NREP: variants seen among roughly 807,000 people sequenced by gnomAD.
NREP encodes the protein neuronal regeneration-related protein.
Under a neutral mutation model 8.6 loss-of-function variants are expected in NREP, and 5 were observed. The observed-to-expected ratio is 0.58, with a 90% CI of 0.30 to 1.22. The LOEUF is 1.22. Among genes scored for constraint, NREP ranks in the 50% most tolerant of loss-of-function variants. NREP has a pLI of 0.07. For synonymous variants in NREP, 27 were observed against 28.0 expected, an observed-to-expected ratio of 0.96 and a Z score of 0.11; for missense variants, 86 against 82.5, an observed-to-expected ratio of 1.04 and a Z score of -0.17.
intron 2 of NREP, among the ~76,000 whole-genome samples, chr5:111,815,765 C>T (rs573990607): frequency 1.7e-4 from 26 of 152,120 alleles, no homozygotes; most frequent in Admixed American, 6.5e-4. Context: ...ATCCAAAAAA[C>T]GCCATGTAAG....
chr5:111,896,630 A>C (rs1314744035), intron 2 of NREP, among the ~76,000 whole-genome samples: 1 of 152,232 alleles, frequency 6.6e-6, no homozygotes, highest in African/African-American at 2.4e-5. Context: ...GGATTAACTT[A>C]CATATTTCAT....
intron 2 of NREP, among the ~76,000 whole-genome samples, chr5:111,787,256 CCA>C (rs147910750): frequency 1.4e-3 from 219 of 152,196 alleles, no homozygotes; most frequent in Non-Finnish European, 2.4e-3. Flanking sequence ...CATTCTGAAG[CCA>C]CACACACTTC....
In NREP at chr5:111,818,655, A is replaced by C. The variant is rs1170791049; in HGVS notation, c.136-83148T>G. On this transcript the variant is annotated intron_variant, in intron 2 of 3. Transcript: ENST00000395634. Reference sequence around the variant, plus strand: ...TGATTTCTCTGAAGTATTTGAAACAACACCAACTGAAGAACTGTGGCCTTC... The same window carrying C: ...TGATTTCTCTGAAGTATTTGAAACACCACCAACTGAAGAACTGTGGCCTTC... 3.3e-5 allele frequency among the ~76,000 whole-genome samples: 5 copies of C among 152,364 alleles called. No individual in the cohort carries two copies. The East Asian group carries it at 7.7e-4, about 23-fold the overall frequency.
At chr5:111,916,112 C>T (rs560928982) in intron 2 of NREP, among the ~76,000 whole-genome samples, 3 of 152,080 alleles carry the variant, frequency 2.0e-5, no homozygotes, top group African/African-American at 7.2e-5. Flanking sequence ...CAAAGAAGCC[C>T]ATTTCAGCTG....
At chr5:111,755,123 A>G (rs1053579015) in intron 2 of NREP, among the ~76,000 whole-genome samples, 1 of 152,188 alleles carries the variant, frequency 6.6e-6, no homozygotes, top group African/African-American at 2.4e-5. Flanking sequence ...TTCCTTAATC[A>G]GTAATCAAAC....
At chr5:111,933,685 A>G (rs1755604716) in intron 2 of NREP, among the ~76,000 whole-genome samples, 1 of 152,030 alleles carries the variant, frequency 6.6e-6, no homozygotes. Flanking sequence ...CCAATTTCCC[A>G]TATCCAATTC....
chr5:111,849,015 A>G (rs1753247441), intron 2 of NREP, among the ~76,000 whole-genome samples: 1 of 152,100 alleles, frequency 6.6e-6, no homozygotes, highest in African/African-American at 2.4e-5. Flanking sequence ...CCTCTGGTGT[A>G]CAAATTTGGG....
chr5:111,757,678 G>A (rs1382684178), upstream of NREP: 2 of 983,532 alleles, frequency 2.0e-6, no homozygotes, highest in Non-Finnish European at 2.4e-6. Context: ...CCACTGCACC[G>A]CGCGGCGCCC....
intron 2 of NREP, among the ~76,000 whole-genome samples, chr5:111,920,434 AT>A (rs2112579308): frequency 6.6e-6 from 1 of 152,132 alleles, no homozygotes; most frequent in South Asian, 2.1e-4. Context: ...TGCATTAGCT[AT>A]TTGTCTTAAT....
rs1208228955 is a variant in NREP at position 111,942,380 on chromosome 5, T to C, written c.135+32894A>G. Among the ~76,000 whole-genome samples, 10 of 152,116 alleles carry C rather than the reference T, an allele frequency of 6.6e-5. 1 individual carries two copies. Among genetic ancestry groups the C allele is most frequent in the Non-Finnish European group, 5.9e-5 (4 of 68,000 alleles). ...TCATGGTCACATGTGATGCAGTCAT[T>C]GCTTTGGTTCCCTGGTGCGGCTTAA... On this transcript the variant is annotated intron_variant, in intron 2 of 3. Transcript: ENST00000395634.
chr5:111,932,558 T>C (rs2112600841), intron 2 of NREP, among the ~76,000 whole-genome samples: 1 of 152,194 alleles, frequency 6.6e-6, no homozygotes. Context: ...TCTTCAAAAC[T>C]CCAGACATAT....
intron 2 of NREP, among the ~76,000 whole-genome samples, chr5:111,783,538 C>T (rs1241673828): frequency 1.3e-5 from 2 of 152,168 alleles, no homozygotes; most frequent in African/African-American, 4.8e-5. Flanking sequence ...AACAATCAGC[C>T]TTCCAACATT....
intron 2 of NREP, among the ~76,000 whole-genome samples, chr5:111,743,221 A>G (rs1263515304): frequency 6.6e-6 from 1 of 152,132 alleles, no homozygotes; most frequent in African/African-American, 2.4e-5. Context: ...GAACAATAAT[A>G]AAGCAAAGGC....
At chr5:111,850,107 A>C (rs545587961) in intron 2 of NREP, among the ~76,000 whole-genome samples, 2 of 152,266 alleles carry the variant, frequency 1.3e-5, no homozygotes, top group East Asian at 3.9e-4. Flanking sequence ...TCCATAAACT[A>C]TACTACCTCT....
chr5:111,857,396 T>C (rs906947582), intron 2 of NREP, among the ~76,000 whole-genome samples: 4 of 152,230 alleles, frequency 2.6e-5, no homozygotes, highest in African/African-American at 9.6e-5. Context: ...CACATGATGG[T>C]TGTCCTACCT....
chr5:111,753,949 C>T (rs1407139368), intron 2 of NREP, among the ~76,000 whole-genome samples: 2 of 151,664 alleles, frequency 1.3e-5, no homozygotes, highest in Non-Finnish European at 2.9e-5. Context: ...TTTAAGATCT[C>T]AAGACTTTCT....
chr5:111,820,665 AT>A (rs1752496166), intron 2 of NREP, among the ~76,000 whole-genome samples: 1 of 152,180 alleles, frequency 6.6e-6, no homozygotes, highest in Non-Finnish European at 1.5e-5. Flanking sequence ...CACATTTAAA[AT>A]ATTTCATATT....
intron 2 of NREP, among the ~76,000 whole-genome samples, chr5:111,809,181 T>C (rs1752211634): frequency 6.6e-6 from 1 of 152,358 alleles, no homozygotes; most frequent in South Asian, 2.1e-4. Flanking sequence ...CTTCTACTTC[T>C]CTTTGTATCT....
intron 2 of NREP, among the ~76,000 whole-genome samples, chr5:111,874,588 C>G (rs778305409): frequency 1.1e-4 from 16 of 152,100 alleles, no homozygotes; most frequent in Non-Finnish European, 1.6e-4. Flanking sequence ...GCTAAGGTGA[C>G]TAAATCTTTG....
Sources: gnomAD v4.1 joint callset for allele counts (sites outside exome capture counted in the v4.1 genomes callset) on GRCh38, gnomAD v4.1.1 for gene constraint, MANE v1.5 for transcripts, NCBI Gene and HGNC (gene_info 2026-07-23, HGNC 2026-07-21) for gene names.